Variants in CTRL observed in about 807,000 individuals in gnomAD.
The protein encoded by CTRL is chymotrypsin-like protease CTRL-1.
In CTRL, 38 loss-of-function variants were observed where a neutral mutation model predicts 35.5. The observed-to-expected ratio is 1.07, with a 90% CI of 0.83 to 1.40. The LOEUF is 1.40. Among genes scored for constraint, CTRL ranks in the 40% most tolerant of loss-of-function variants. The pLI is 0.00. For missense variants in CTRL, 327 were observed against 342.9 expected, an observed-to-expected ratio of 0.95 and a Z score of 0.37; for synonymous variants, 155 against 141.1, an observed-to-expected ratio of 1.10 and a Z score of -0.70.
Position 67,930,782 on chromosome 16 carries a change from C to T in CTRL, c.262G>A (p.Gly88Ser), listed in dbSNP as rs754552689. 3.1e-6 allele frequency: 5 copies of T among 1,614,070 alleles called. No individual in the cohort carries two copies. The South Asian group carries it at 5.5e-5, about 18-fold the overall frequency. Residue 88 changes from glycine (G) to serine (S), a missense_variant, in exon 4 of 7, where the codon GGC becomes AGC. Physicochemically the swap from Gly to Ser is moderately conservative, Grantham distance 56 (BLOSUM62 0). Transcript: ENST00000574481. The surrounding 1 kb of genome is among the most constrained non-coding windows in gnomAD (Gnocchi z 4.3). ...VSPGRHFVVLGEYDRSSNAEP... is the reference protein window; with the variant it reads ...VSPGRHFVVLSEYDRSSNAEP... The stretch of plus-strand genomic sequence containing the variant: ...GCGTTTGATGATCGGTCATACTCGC[C>T]CAGGACAACAAAATGGCGGCCAGGG...
chr16:67,929,977 CTAACTCG>C lies in CTRL; in HGVS notation c.745_751del (p.Arg249AlafsTer11). The C allele has an allele frequency of 5.0e-6, 8 of 1,614,162 alleles. No individual in the cohort carries two copies. Among genetic ancestry groups the C allele is most frequent in the Non-Finnish European group, 6.8e-6 (8 of 1,179,994 alleles). On this transcript the variant is annotated frameshift_variant, in exon 7 of 7. Coordinates refer to ENST00000574481, the MANE Select transcript of CTRL (RefSeq NM_001907.3). LOFTEE classifies it high-confidence loss of function. ...CTGGTTGATCCAGGTGCTGAACTTGCTAACTCGAGTATACACAGCAGGTGCGCGCACA... is the reference window on the plus strand; with the variant it reads ...CTGGTTGATCCAGGTGCTGAACTTGCAGTATACACAGCAGGTGCGCGCACA...
chr16:67,931,218 T>C lies in CTRL; in HGVS notation c.53-17A>G. On this transcript the variant is annotated splice_polypyrimidine_tract_variant and intron_variant, in intron 1 of 6. Transcript: ENST00000574481. ...TGCCGCAGCCTGGCCATTGGGCTAATGAGGACCTGCTTCCCATGCCTCAGC... is the reference window on the plus strand; with the variant it reads ...TGCCGCAGCCTGGCCATTGGGCTAACGAGGACCTGCTTCCCATGCCTCAGC... 1 of 1,613,406 alleles carries C rather than the reference T, an allele frequency of 6.2e-7. No homozygotes were observed.
rs1395088123 is a variant in CTRL, at chr16:67,930,503, G to A, written c.404C>T (p.Thr135Ile). ...LKLASPAQYT[T>I]RISPVCLASS... Reference sequence around the variant, plus strand: ...TGCCAGGCAAACTGGCGAGATGCGTGTTGTGTACTGGGCTGGCGAGGCGAG... The same window carrying A: ...TGCCAGGCAAACTGGCGAGATGCGTATTGTGTACTGGGCTGGCGAGGCGAG... Residue 135 changes from threonine to isoleucine, a missense_variant, in exon 5 of 7, where the codon ACA (threonine) becomes ATA (isoleucine). Transcript: ENST00000574481. This position sits in a 1 kb window ranked among gnomAD's most constrained non-coding sequence, Gnocchi z 4.3. The A allele has an allele frequency of 5.6e-6, 9 of 1,614,074 alleles. No homozygotes were observed. The highest frequency in any genetic ancestry group is 2.7e-5 in the African/African-American group (2 of 74,930).
Position 67,930,064 on chromosome 16 carries a change from T to C in CTRL, c.665A>G (p.Lys222Arg), listed in dbSNP as rs750578957. 3.7e-6 allele frequency: 6 copies of C among 1,613,970 alleles called. No individual in the cohort carries two copies. The highest frequency in any genetic ancestry group is 1.7e-5 in the Admixed American group (1 of 60,000). Residue 222 changes from lysine to arginine, a missense_variant, in exon 7 of 7, where the codon AAG (lysine) becomes AGG (arginine). Coordinates refer to ENST00000574481, the MANE Select transcript of CTRL (RefSeq NM_001907.3). This position sits in a 1 kb window ranked among gnomAD's most constrained non-coding sequence, Gnocchi z 4.3. Reference protein sequence around the residue: ...GDSGGPLVCQKGNTWVLIGIV... With the variant: ...GDSGGPLVCQRGNTWVLIGIV... The stretch of plus-strand genomic sequence containing the variant: ...ACCAATAAGCACCCATGTGTTTCCC[T>C]TCTGGCAGACAAGAGGGCCTCCGGA...
intron 1 of CTRL, 105 bp downstream of exon 1, chr16:67,931,696 C>A: frequency 7.5e-7 from 1 of 1,336,380 alleles, no homozygotes; most frequent in Non-Finnish European, 1.0e-6. Context: ...TTTGCCCACT[C>A]TGTCCACCTT....
rs1464322847 is a variant in CTRL, at chr16:67,929,984, G to A, written c.745C>T (p.Arg249Ter). 8.7e-6 allele frequency: 14 copies of A among 1,614,028 alleles called. No individual in the cohort carries two copies. In the East Asian group the frequency reaches 8.9e-5, roughly 10 times the overall value. The change falls in exon 7 of 7, where the codon CGA (arginine) becomes TGA (stop). Residue 249 changes from arginine to a stop codon, truncating the protein, a stop_gained. Coordinates refer to ENST00000574481, the MANE Select transcript of CTRL (RefSeq NM_001907.3). LOFTEE classifies it high-confidence loss of function. ...CNVRAPAVYT[R>*]VSKFSTWINQ... Reference sequence around the variant, plus strand: ...ATCCAGGTGCTGAACTTGCTAACTCGAGTATACACAGCAGGTGCGCGCACA... The same window carrying A: ...ATCCAGGTGCTGAACTTGCTAACTCAAGTATACACAGCAGGTGCGCGCACA...
chr16:67,930,155 C>G lies in CTRL; in HGVS notation c.633+30G>C. On this transcript the variant is annotated intron_variant, in intron 6 of 6. Transcript: ENST00000574481. This position sits in a 1 kb window ranked among gnomAD's most constrained non-coding sequence, Gnocchi z 4.3. ...GGGGTTGGGGAGGTATACCACAGGA[C>G]AGCGCAGAGGAGCGGGTGCTGGGGC... 1.2e-6 allele frequency: 2 copies of G among 1,613,760 alleles called. No individual in the cohort carries two copies. The highest frequency in any genetic ancestry group is 1.7e-6 in the Non-Finnish European group (2 of 1,179,788).
At position 67,930,511 on chromosome 16, in the gene CTRL, C is replaced by T; in HGVS notation, c.396G>A (p.Gln132=). The T allele has an allele frequency of 1.2e-6, 2 of 1,614,184 alleles. No individual in the cohort carries two copies. The highest frequency in any genetic ancestry group is 8.5e-7 in the Non-Finnish European group (1 of 1,180,036). Residue 132 remains glutamine, a synonymous_variant, in exon 5 of 7, where the codon CAG becomes CAA. Coordinates refer to ENST00000574481, the MANE Select transcript of CTRL (RefSeq NM_001907.3). The surrounding 1 kb of genome is among the most constrained non-coding windows in gnomAD (Gnocchi z 4.3). ...VTLLKLASPA[Q]YTTRISPVCL... is the part of the protein sequence containing the mutation. Reference sequence around the variant, plus strand: ...AAACTGGCGAGATGCGTGTTGTGTACTGGGCTGGCGAGGCGAGCTTCAGCA... The same window carrying T: ...AAACTGGCGAGATGCGTGTTGTGTATTGGGCTGGCGAGGCGAGCTTCAGCA...
chr16:67,930,133 G>T lies in CTRL; in HGVS notation c.634-38C>A, dbSNP rs752630898. Reference sequence around the variant, plus strand: ...AGGGAGGGAGAATTGAGTAGGGGGGGTTGGGGAGGTATACCACAGGACAGC... The same window carrying T: ...AGGGAGGGAGAATTGAGTAGGGGGGTTTGGGGAGGTATACCACAGGACAGC... On this transcript the variant is annotated intron_variant, in intron 6 of 6. Transcript: ENST00000574481. The surrounding 1 kb of genome is among the most constrained non-coding windows in gnomAD (Gnocchi z 4.3). The T allele has an allele frequency of 1.2e-6, 2 of 1,613,698 alleles. No homozygotes were observed. The highest frequency in any genetic ancestry group is 1.1e-5 in the South Asian group (1 of 91,076).
intron 1 of CTRL, 199 bp downstream of exon 1, chr16:67,931,602 A>G (rs1020737202): frequency 1.6e-6 from 1 of 638,994 alleles, no homozygotes; most frequent in South Asian, 1.9e-5. Flanking sequence ...CTCTGGTCCT[A>G]TTTGTGAGAC....
rs1392925092 is a variant in CTRL at position 67,930,603 on chromosome 16, A to G, written c.319-15T>C. 1 of 1,612,390 alleles carries G rather than the reference A, an allele frequency of 6.2e-7. No individual in the cohort carries two copies. The highest frequency in any genetic ancestry group is 1.3e-5 in the African/African-American group (1 of 74,840). Reference sequence around the variant, plus strand: ...TGTGTAATGGCCTGTGGGGTCAGAAACAGTCCATGTTCTGATGGGTGCTGA... The same window carrying G: ...TGTGTAATGGCCTGTGGGGTCAGAAGCAGTCCATGTTCTGATGGGTGCTGA... On this transcript the variant is annotated splice_polypyrimidine_tract_variant and intron_variant, in intron 4 of 6. Transcript: ENST00000574481. The surrounding 1 kb of genome is among the most constrained non-coding windows in gnomAD (Gnocchi z 4.3).
Position 67,930,949 on chromosome 16 carries a change from C to T in CTRL, c.207G>A (p.Trp69Ter), listed in dbSNP as rs751192586. The stretch of plus-strand genomic sequence containing the variant: ...CATTGCAGTGGGCAGCAGTGACCAC[C>T]CAGGACTGGCTGATGAGAGAACCAC... ...FCGGSLISQS[W>*]VVTAAHCNVS... Residue 69 changes from tryptophan (W) to a stop codon, truncating the protein, a stop_gained, in exon 3 of 7, where the codon TGG (tryptophan) becomes TGA (stop). Transcript: ENST00000574481. LOFTEE classifies it high-confidence loss of function. This position sits in a 1 kb window ranked among gnomAD's most constrained non-coding sequence, Gnocchi z 4.3. 15 of 1,613,664 alleles carry T rather than the reference C, an allele frequency of 9.3e-6. No homozygotes were observed. Among genetic ancestry groups the T allele is most frequent in the Admixed American group, 8.3e-5 (5 of 60,002 alleles).
Position 67,930,076 on chromosome 16 carries a change from A to C in CTRL, c.653T>G (p.Leu218Arg), listed in dbSNP as rs1213675632. The C allele has an allele frequency of 2.5e-6, 4 of 1,613,982 alleles. No homozygotes were observed. In the African/African-American group the frequency reaches 4.0e-5, roughly 16 times the overall value. The change falls in exon 7 of 7, where the codon CTT (leucine) becomes CGT (arginine). Residue 218 changes from leucine (L) to arginine (R), a missense_variant. By Grantham distance (102) the Leu-to-Arg change is moderately radical. Coordinates refer to ENST00000574481, the MANE Select transcript of CTRL (RefSeq NM_001907.3). The surrounding 1 kb of genome is among the most constrained non-coding windows in gnomAD (Gnocchi z 4.3). ...CCATGTGTTTCCCTTCTGGCAGACA[A>C]GAGGGCCTCCGGAGTCACCCTGAGA... is the stretch of plus-strand genomic sequence containing the variant. ...SSCQGDSGGP[L>R]VCQKGNTWVL...
chr16:67,931,776 T>C, intron 1 of CTRL, 25 bp downstream of exon 1: 1 of 1,556,258 alleles, frequency 6.4e-7, no homozygotes, highest in South Asian at 1.2e-5. Flanking sequence ...CAGGGCTGAA[T>C]CAGGGCTGGT....
rs1402006627 is a variant in CTRL at position 67,931,800 on chromosome 16, C to T, written c.52+1G>A. On this transcript the variant is annotated splice_donor_variant, in intron 1 of 6. Coordinates refer to ENST00000574481, the MANE Select transcript of CTRL (RefSeq NM_001907.3). LOFTEE classifies it high-confidence loss of function. ...ATCAGGGCTGGTCCTGGCCCACTCACCCCAGGAGGAGCCGAGGAGAACCAG... is the reference window on the plus strand; with the variant it reads ...ATCAGGGCTGGTCCTGGCCCACTCATCCCAGGAGGAGCCGAGGAGAACCAG... 4 of 1,565,600 alleles carry T rather than the reference C, an allele frequency of 2.6e-6. No homozygotes were observed. In the Admixed American group the frequency reaches 5.7e-5, roughly 22 times the overall value.
Position 67,931,102 on chromosome 16 carries a change from A to AG in CTRL, c.151dup (p.Leu51ProfsTer41). On this transcript the variant is annotated frameshift_variant, in exon 2 of 7. Transcript: ENST00000574481. LOFTEE classifies it high-confidence loss of function. ...CCCACCCCTCTGGTGGTGTACCTGC[A>AG]GGGACACCTGCCAGGGCCAGGAGCC... 6.2e-7 allele frequency: 1 copy of AG among 1,613,966 alleles called. No individual in the cohort carries two copies. Among genetic ancestry groups the AG allele is most frequent in the Non-Finnish European group, 8.5e-7 (1 of 1,179,948 alleles).
At chr16:67,931,247 T>C (rs1850764810) in intron 1 of CTRL, 46 bp from the exon 2 acceptor site, 1 of 1,600,156 alleles carries the variant, frequency 6.2e-7, no homozygotes, top group Middle Eastern at 1.7e-4. Context: ...CCTCAGCCCA[T>C]CTTTCCCCAC....
In CTRL at chr16:67,930,987, A is replaced by T; in HGVS notation, c.169T>A (p.Phe57Ile). The T allele has an allele frequency of 6.2e-7, 1 of 1,614,002 alleles. No individual in the cohort carries two copies. Among genetic ancestry groups the T allele is most frequent in the Non-Finnish European group, 8.5e-7 (1 of 1,180,018 alleles). Residue 57 changes from phenylalanine (F) to isoleucine (I), a missense_variant, in exon 3 of 7, where the codon TTC (phenylalanine) becomes ATC (isoleucine). Coordinates refer to ENST00000574481, the MANE Select transcript of CTRL (RefSeq NM_001907.3). This position sits in a 1 kb window ranked among gnomAD's most constrained non-coding sequence, Gnocchi z 4.3. ...WQVSLQDSSG[F>I]HFCGGSLISQ... ...ATGAGAGAACCACCGCAGAAGTGGAAGCCGCTGCTGTCCTGTGGTCAGGGC... is the reference window on the plus strand; with the variant it reads ...ATGAGAGAACCACCGCAGAAGTGGATGCCGCTGCTGTCCTGTGGTCAGGGC...
chr16:67,929,954 G>A lies in CTRL; in HGVS notation c.775C>T (p.Gln259Ter). Residue 259 changes from glutamine (Q) to a stop codon, truncating the protein, a stop_gained, in exon 7 of 7, where the codon CAG becomes TAG. Coordinates refer to ENST00000574481, the MANE Select transcript of CTRL (RefSeq NM_001907.3). LOFTEE classifies it high-confidence loss of function. ...TGAGCTCAGTTGTAGGCTATGACCT[G>A]GTTGATCCAGGTGCTGAACTTGCTA... The part of the protein sequence containing the change: ...RVSKFSTWIN[Q>*]VIAYN The A allele has an allele frequency of 1.2e-6, 2 of 1,614,178 alleles. No homozygotes were observed. The highest frequency in any genetic ancestry group is 4.5e-5 in the East Asian group (2 of 44,882).
Sources: allele counts gnomAD v4.1 joint callset, GRCh38; gene constraint gnomAD v4.1.1; non-coding constraint Gnocchi (gnomAD v3.1); transcripts MANE v1.5; gene names NCBI Gene and HGNC (gene_info 2026-07-23, HGNC 2026-07-21).